Variants in ALDOA observed in about 807,000 individuals in gnomAD.
The protein encoded by ALDOA is aldolase, fructose-bisphosphate A.
In ALDOA, 26 loss-of-function variants were observed where a neutral mutation model predicts 43.9. The ratio of observed to expected loss-of-function variants is 0.59; its 90% CI spans 0.43 to 0.82. The LOEUF is 0.82. Among genes scored for constraint, ALDOA ranks in the 40% least tolerant of loss-of-function variants. The pLI, the probability that ALDOA is intolerant of heterozygous loss-of-function variation, is 0.00. For synonymous variants in ALDOA, 258 were observed against 222.6 expected (o/e 1.16, Z -1.42); for missense variants, 498 against 549.5 (o/e 0.91, Z 0.94).
At position 30,070,148 on chromosome 16, in the gene ALDOA, C is replaced by T. The variant is rs1398401558; in HGVS notation, c.1193C>T (p.Thr398Ile). 1.2e-6 allele frequency: 2 copies of T among 1,614,156 alleles called. No individual in the cohort carries two copies. Among genetic ancestry groups the T allele is most frequent in the East Asian group, 2.2e-5 (1 of 44,888 alleles). Residue 398 changes from threonine to isoleucine, a missense_variant, in exon 10 of 10, where the codon ACT becomes ATT. Thr to Ile is a moderately conservative substitution (Grantham distance 89, BLOSUM62 -1). Coordinates refer to ENST00000642816, the MANE Select transcript of ALDOA (RefSeq NM_001243177.4). Reference sequence around the variant, plus strand: ...AGCCTTGCCTGTCAAGGAAAGTACACTCCGAGCGGTCAGGCTGGGGCTGCT... The same window carrying T: ...AGCCTTGCCTGTCAAGGAAAGTACATTCCGAGCGGTCAGGCTGGGGCTGCT... ...ANSLACQGKY[T>I]PSGQAGAAAS...
intron 6 of ALDOA, 86 bp downstream of exon 6, chr16:30,069,064 A>G (rs2072222715): frequency 1.3e-6 from 2 of 1,586,488 alleles, no homozygotes; most frequent in Admixed American, 1.7e-5. Context: ...CATGATGCCT[A>G]CCTCCCCAAA....
chr16:30,069,070 C>A, intron 6 of ALDOA, 92 bp downstream of exon 6: 2 of 1,579,086 alleles, frequency 1.3e-6, no homozygotes, highest in South Asian at 1.1e-5. Context: ...GCCTACCTCC[C>A]CAAAAGCAAG....
At chr16:30,064,365 A>G (rs756192521), upstream of ALDOA, 18 of 398,698 alleles carry the variant, frequency 4.5e-5, no homozygotes, top group Non-Finnish European at 7.5e-5. Flanking sequence ...AGAAGGAGCC[A>G]GGGAGGGTGG....
Position 30,069,669 on chromosome 16 carries a change from C to CA in ALDOA, c.958dup (p.Thr320AsnfsTer12), listed in dbSNP as rs1567325576. The CA allele has an allele frequency of 6.2e-7, 1 of 1,613,542 alleles. No individual in the cohort carries two copies. Among genetic ancestry groups the CA allele is most frequent in the South Asian group, 1.1e-5 (1 of 91,084 alleles). On this transcript the variant is annotated frameshift_variant, in exon 8 of 10. Coordinates refer to ENST00000642816, the MANE Select transcript of ALDOA (RefSeq NM_001243177.4). LOFTEE classifies it high-confidence loss of function. ...TGCGCCGCACAGTGCCCCCCGCTGT[C>CA]ACTGGTGAGGCCCACACTCATCTTG... is the stretch of plus-strand genomic sequence containing the variant.
rs145479598 is a variant in ALDOA at position 30,069,993 on chromosome 16, G to A, written c.1125G>A (p.Leu375=). 4 of 1,613,878 alleles carry A rather than the reference G, an allele frequency of 2.5e-6. No individual in the cohort carries two copies. Among genetic ancestry groups the A allele is most frequent in the Non-Finnish European group, 2.5e-6 (3 of 1,180,018 alleles). ...LKAWGGKKEN[L]KAAQEEYVKR... Reference sequence around the variant, plus strand: ...CCTGGGGCGGGAAGAAGGAGAACCTGAAGGCTGCGCAGGAGGAGTATGTCA... The same window carrying A: ...CCTGGGGCGGGAAGAAGGAGAACCTAAAGGCTGCGCAGGAGGAGTATGTCA... The change falls in exon 9 of 10, where the codon CTG becomes CTA. Residue 375 remains leucine, a synonymous_variant. Coordinates refer to ENST00000642816, the MANE Select transcript of ALDOA (RefSeq NM_001243177.4).
chr16:30,065,897 A>AC lies in ALDOA; in HGVS notation c.-41dup, dbSNP rs1229744049. 1 of 152,808 alleles carries AC rather than the reference A, an allele frequency of 6.5e-6. No individual in the cohort carries two copies. Among genetic ancestry groups the AC allele is most frequent in the Non-Finnish European group, 1.5e-5 (1 of 68,432 alleles). 9.5% of individuals were successfully genotyped at this position (152,808 alleles called of 1,614,324 possible). On this transcript the variant is annotated 5_prime_UTR_variant, in exon 1 of 10. Coordinates refer to ENST00000642816, the MANE Select transcript of ALDOA (RefSeq NM_001243177.4). The stretch of plus-strand genomic sequence containing the variant: ...CCAGCCCGCCGCCCTCTGCCGCCGC[A>AC]CCCTGCACACCCGCCCCTCTCCTGT...
At position 30,070,154 on chromosome 16, in the gene ALDOA, G is replaced by T. The variant is rs1395945999; in HGVS notation, c.1199G>T (p.Ser400Ile). 1.9e-6 allele frequency: 3 copies of T among 1,614,134 alleles called. No homozygotes were observed. The highest frequency in any genetic ancestry group is 2.5e-6 in the Non-Finnish European group (3 of 1,180,028). Residue 400 changes from serine (S) to isoleucine (I), a missense_variant, in exon 10 of 10, where the codon AGC becomes ATC. Physicochemically the swap from Ser to Ile is moderately radical, Grantham distance 142. Coordinates refer to ENST00000642816, the MANE Select transcript of ALDOA (RefSeq NM_001243177.4). Reference protein sequence around the residue: ...SLACQGKYTPSGQAGAAASES... With the variant: ...SLACQGKYTPIGQAGAAASES... ...GCCTGTCAAGGAAAGTACACTCCGA[G>T]CGGTCAGGCTGGGGCTGCTGCCAGC... is the stretch of plus-strand genomic sequence containing the variant.
upstream of ALDOA, among the ~76,000 whole-genome samples, chr16:30,065,248 G>A (rs1185863562): frequency 6.6e-6 from 1 of 152,228 alleles, no homozygotes; most frequent in East Asian, 1.9e-4. Context: ...CAGTGACAGG[G>A]TGTCGGCTCC....
rs2072220562 is a variant in ALDOA, at chr16:30,068,996, C to CA, written c.702+20dup. On this transcript the variant is annotated intron_variant, in intron 6 of 9. Coordinates refer to ENST00000642816, the MANE Select transcript of ALDOA (RefSeq NM_001243177.4). ...GCCAGCAGGTGGGCCTGCAGGTCCT[C>CA]AATAGGCAACCTCCTACCTCATTTG... 1 of 1,614,078 alleles carries CA rather than the reference C, an allele frequency of 6.2e-7. No individual in the cohort carries two copies. The highest frequency in any genetic ancestry group is 8.5e-7 in the Non-Finnish European group (1 of 1,180,034).
Position 30,067,313 on chromosome 16 carries a change from C to T in ALDOA, c.221C>T (p.Ala74Val). Reference sequence around the variant, plus strand: ...CAGAAGAAGGAGCTGTCTGACATCGCTCACCGCATCGTGGCACCTGGCAAG... The same window carrying T: ...CAGAAGAAGGAGCTGTCTGACATCGTTCACCGCATCGTGGCACCTGGCAAG... ...PEQKKELSDI[A>V]HRIVAPGKGI... The change falls in exon 3 of 10, where the codon GCT (alanine) becomes GTT (valine). Residue 74 changes from alanine (A) to valine (V), a missense_variant. Physicochemically the swap from Ala to Val is moderately conservative, Grantham distance 64. Coordinates refer to ENST00000642816, the MANE Select transcript of ALDOA (RefSeq NM_001243177.4). 6.2e-7 allele frequency: 1 copy of T among 1,613,342 alleles called. No individual in the cohort carries two copies. The highest frequency in any genetic ancestry group is 8.5e-7 in the Non-Finnish European group (1 of 1,180,036).
rs1291735490 is a variant in ALDOA at position 30,068,718 on chromosome 16, C to T, written c.541+18C>T. 1.2e-6 allele frequency: 2 copies of T among 1,614,242 alleles called. No individual in the cohort carries two copies. The highest frequency in any genetic ancestry group is 1.3e-5 in the African/African-American group (1 of 75,074). Reference sequence around the variant, plus strand: ...CACCCAAGGTGAGAACTGTTTGATTCTCTGCCCTACGAACCCAACCAGAGC... The same window carrying T: ...CACCCAAGGTGAGAACTGTTTGATTTTCTGCCCTACGAACCCAACCAGAGC... On this transcript the variant is annotated intron_variant, in intron 5 of 9. Transcript: ENST00000642816.
chr16:30,066,512 T>C (rs949491209), intron 1 of ALDOA, among the ~76,000 whole-genome samples: 1 of 152,234 alleles, frequency 6.6e-6, no homozygotes, highest in Non-Finnish European at 1.5e-5. Flanking sequence ...ATGGCAAAGC[T>C]TACCGCTTTC....
chr16:30,064,428 C>T (rs879478697), upstream of ALDOA: 2 of 398,734 alleles, frequency 5.0e-6, no homozygotes, highest in Non-Finnish European at 8.8e-6. Context: ...CCACAGGTCC[C>T]TGGCCAAAGA....
chr16:30,069,680 C>T lies in ALDOA; in HGVS notation c.961+7C>T. ...GTGCCCCCCGCTGTCACTGGTGAGGCCCACACTCATCTTGATCTCTATGCA... is the reference window on the plus strand; with the variant it reads ...GTGCCCCCCGCTGTCACTGGTGAGGTCCACACTCATCTTGATCTCTATGCA... On this transcript the variant is annotated splice_region_variant and intron_variant, in intron 8 of 9. Coordinates refer to ENST00000642816, the MANE Select transcript of ALDOA (RefSeq NM_001243177.4). The T allele has an allele frequency of 6.2e-7, 1 of 1,613,170 alleles. No homozygotes were observed. The highest frequency in any genetic ancestry group is 8.5e-7 in the Non-Finnish European group (1 of 1,179,966).
chr16:30,068,958 TA>T lies in ALDOA; in HGVS notation c.683del (p.Tyr228LeufsTer26), dbSNP rs2072218759. On this transcript the variant is annotated frameshift_variant, in exon 6 of 10. Coordinates refer to ENST00000642816, the MANE Select transcript of ALDOA (RefSeq NM_001243177.4). LOFTEE classifies it high-confidence loss of function. ...GGAAAATGCCAATGTTCTGGCCCGT[TA>T]TGCCAGTATCTGCCAGCAGGTGGGC... is the stretch of plus-strand genomic sequence containing the variant. The part of the protein sequence containing the change: ...IMENANVLAR[Y>X]ASICQQNGIV... 1.2e-6 allele frequency: 2 copies of T among 1,614,142 alleles called. No homozygotes were observed. Among genetic ancestry groups the T allele is most frequent in the Non-Finnish European group, 1.7e-6 (2 of 1,180,062 alleles).
intron 4 of ALDOA, chr16:30,068,385 T>C (rs1471797831): frequency 1.9e-6 from 1 of 516,886 alleles, no homozygotes; most frequent in African/African-American, 1.9e-5. Flanking sequence ...ATATTTTAAT[T>C]GTAACTAAGT....
rs181606186 is a variant in ALDOA at position 30,068,995 on chromosome 16, T to C, written c.702+17T>C. On this transcript the variant is annotated intron_variant, in intron 6 of 9. Coordinates refer to ENST00000642816, the MANE Select transcript of ALDOA (RefSeq NM_001243177.4). The stretch of plus-strand genomic sequence containing the variant: ...TGCCAGCAGGTGGGCCTGCAGGTCC[T>C]CAATAGGCAACCTCCTACCTCATTT... 26 of 1,614,196 alleles carry C rather than the reference T, an allele frequency of 1.6e-5. No individual in the cohort carries two copies. The Middle Eastern group carries it at 6.6e-4, about 41-fold the overall frequency.
At chr16:30,067,768 A>G (rs1338535770) in intron 4 of ALDOA, 107 bp downstream of exon 4, 14 of 1,318,962 alleles carry the variant, frequency 1.1e-5, no homozygotes, top group Non-Finnish European at 1.4e-5. Context: ...AGAGACTTGC[A>G]TGGAGCCTGC....
chr16:30,069,636 C>G lies in ALDOA; in HGVS notation c.924C>G (p.Val308=). 1 of 1,613,886 alleles carries G rather than the reference C, an allele frequency of 6.2e-7. No individual in the cohort carries two copies. Among genetic ancestry groups the G allele is most frequent in the Non-Finnish European group, 8.5e-7 (1 of 1,180,024 alleles). ...ATGAGGAGATTGCCATGGCGACCGTCACAGCGCTGCGCCGCACAGTGCCCC... is the reference window on the plus strand; with the variant it reads ...ATGAGGAGATTGCCATGGCGACCGTGACAGCGCTGCGCCGCACAGTGCCCC... ...FSHEEIAMAT[V]TALRRTVPPA... The change falls in exon 8 of 10, where the codon GTC becomes GTG. Residue 308 remains valine (V), a synonymous_variant. Transcript: ENST00000642816.
Sources: gnomAD v4.1 joint callset for allele counts (sites outside exome capture counted in the v4.1 genomes callset) on GRCh38, gnomAD v4.1.1 for gene constraint, MANE v1.5 for transcripts, NCBI Gene and HGNC (gene_info 2026-07-23, HGNC 2026-07-21) for gene names.